The following ALG8 variants were observed in gnomAD, a reference collection of about 807,000 sequenced individuals.
The protein encoded by ALG8 is ALG8 alpha-1,3-glucosyltransferase, also known as dolichyl pyrophosphate Glc1Man9GlcNAc2 alpha-1,3-glucosyltransferase.
In ALG8, 48 loss-of-function variants were observed where a neutral mutation model predicts 70.2. That is an observed-to-expected ratio of 0.68 (90% CI 0.54 to 0.87). ALG8 has a LOEUF of 0.87. Among genes scored for constraint, ALG8 ranks in the 40% least tolerant of loss-of-function variants. ALG8 has a pLI of 0.00. For missense variants in ALG8, 572 were observed against 608.7 expected (o/e 0.94, Z 0.64); for synonymous variants, 234 against 229.0 (o/e 1.02, Z -0.20).
chr11:78,116,563 C>T (rs190541044), intron 5 of ALG8, among the ~76,000 whole-genome samples: 44 of 152,034 alleles, frequency 2.9e-4, no homozygotes, highest in Admixed American at 2.2e-3. Flanking sequence ...AGTAAAAATA[C>T]AAAAAATTAG....
chr11:78,132,804 G>A (rs925963715), intron 1 of ALG8, among the ~76,000 whole-genome samples: 14 of 149,784 alleles, frequency 9.3e-5, no homozygotes, highest in Non-Finnish European at 1.6e-4. Context: ...CTTCTTGGTC[G>A]CCTGATAGGA....
intron 5 of ALG8, among the ~76,000 whole-genome samples, chr11:78,117,245 A>T (rs1234581844): frequency 6.6e-6 from 1 of 152,162 alleles, no homozygotes; most frequent in Non-Finnish European, 1.5e-5. Context: ...ATGGTTCTCA[A>T]GCCTGATGGT....
At chr11:78,119,849 C>T (rs1259564224) in intron 4 of ALG8, among the ~76,000 whole-genome samples, 1 of 152,148 alleles carries the variant, frequency 6.6e-6, no homozygotes, top group East Asian at 1.9e-4. Context: ...CACCTGTAAT[C>T]CCAGCATTTT....
intron 3 of ALG8, among the ~76,000 whole-genome samples, chr11:78,122,754 G>A (rs1176487087): frequency 2.6e-5 from 4 of 152,092 alleles, no homozygotes; most frequent in African/African-American, 9.7e-5. Context: ...CAAACATTTT[G>A]AGTTAAAAAG....
chr11:78,120,883 T>C (rs1415750252), intron 4 of ALG8, among the ~76,000 whole-genome samples, 182 bp downstream of exon 4: 2 of 152,186 alleles, frequency 1.3e-5, no homozygotes, highest in Admixed American at 6.6e-5. Flanking sequence ...AGAAATGAAA[T>C]ACTCTAACCT....
intron 1 of ALG8, among the ~76,000 whole-genome samples, chr11:78,129,438 T>C (rs1270288314): frequency 1.4e-5 from 2 of 146,096 alleles, no homozygotes; most frequent in African/African-American, 2.5e-5. Context: ...AAAAAAAATG[T>C]GCAAAGTAAA....
intron 8 of ALG8, among the ~76,000 whole-genome samples, chr11:78,111,290 G>A (rs1014047879): frequency 6.6e-6 from 1 of 152,192 alleles, no homozygotes; most frequent in Non-Finnish European, 1.5e-5. Flanking sequence ...ACTCAGGTTT[G>A]TCTGGCTCCA....
At chr11:78,111,049 T>C (rs940662719) in intron 8 of ALG8, among the ~76,000 whole-genome samples, 3 of 152,202 alleles carry the variant, frequency 2.0e-5, no homozygotes, top group Admixed American at 6.5e-5. Flanking sequence ...AAGAATGCCA[T>C]GTACATCAAG....
At chr11:78,123,886 A>C in intron 3 of ALG8, 135 bp downstream of exon 3, 1 of 1,008,096 alleles carries the variant, frequency 9.9e-7, no homozygotes, top group Non-Finnish European at 1.5e-6. Context: ...TTAAAGCACA[A>C]TACAATTTTT....
intron 4 of ALG8, among the ~76,000 whole-genome samples, chr11:78,120,033 C>T (rs924542846): frequency 1.3e-5 from 2 of 151,800 alleles, no homozygotes; most frequent in Non-Finnish European, 2.9e-5. Flanking sequence ...ACCCAGGAGG[C>T]GGACACTGCA....
chr11:78,122,230 C>G (rs888180942), intron 3 of ALG8, among the ~76,000 whole-genome samples: 1 of 152,080 alleles, frequency 6.6e-6, no homozygotes, highest in African/African-American at 2.4e-5. Flanking sequence ...CCCTATGGAG[C>G]CTCAGTTCCC....
chr11:78,118,390 CG>C (rs1269384107), intron 5 of ALG8, among the ~76,000 whole-genome samples: 6 of 149,876 alleles, frequency 4.0e-5, no homozygotes, highest in Admixed American at 2.7e-4. Context: ...CTGAGGCGGG[CG>C]GAACACTTGA....
In ALG8 at chr11:78,109,447, T is replaced by C. The variant is rs1181113179; in HGVS notation, c.1033A>G (p.Ile345Val). The change falls in exon 9 of 13, where the codon ATA becomes GTA. Residue 345 changes from isoleucine to valine, a missense_variant. Coordinates refer to ENST00000299626, the MANE Select transcript of ALG8 (RefSeq NM_024079.5). ...ACCATCTGTTGAGTTCTTACCAATA[T>C]GGCAATCAGTGTGCAGATGAGGGTT... Reference protein sequence around the residue: ...LATLICTLIAILPSIFCLWFK... With the variant: ...LATLICTLIAVLPSIFCLWFK... The C allele has an allele frequency of 1.9e-6, 3 of 1,614,150 alleles. No individual in the cohort carries two copies. Among genetic ancestry groups the C allele is most frequent in the Admixed American group, 3.3e-5 (2 of 60,018 alleles).
Position 78,121,180 on chromosome 11 carries a change from T to G in ALG8, c.369-6A>C, listed in dbSNP as rs201483866. 6.3e-6 allele frequency: 10 copies of G among 1,597,580 alleles called. No individual in the cohort carries two copies. The African/African-American group carries it at 1.3e-4, about 21-fold the overall frequency. On this transcript the variant is annotated splice_region_variant and splice_polypyrimidine_tract_variant and intron_variant, in intron 3 of 12. Transcript: ENST00000299626. ...CATCAATGCATTTACAGCACCTACA[T>G]TGAAACATTAGGAAAGAAACAGAAA...
chr11:78,112,819 A>C, intron 7 of ALG8, 49 bp from the exon 8 acceptor site: 1 of 1,600,960 alleles, frequency 6.2e-7, no homozygotes, highest in African/African-American at 1.3e-5. Flanking sequence ...AATCTTTTTC[A>C]AATTCAAAAA....
chr11:78,112,291 G>C (rs945701093), intron 8 of ALG8: 2 of 322,954 alleles, frequency 6.2e-6, no homozygotes, highest in African/African-American at 2.2e-5. Context: ...AAATAAGTAG[G>C]GGTTTGAATA....
intron 7 of ALG8, 81 bp downstream of exon 7, chr11:78,113,805 A>G: frequency 8.6e-7 from 1 of 1,159,594 alleles, no homozygotes; most frequent in South Asian, 1.5e-5. Flanking sequence ...TACTTATTTT[A>G]CATATTCCTG....
chr11:78,117,120 C>A (rs1860609587), intron 5 of ALG8, among the ~76,000 whole-genome samples: 1 of 152,160 alleles, frequency 6.6e-6, no homozygotes, highest in Non-Finnish European at 1.5e-5. Flanking sequence ...CAAATTTGAT[C>A]TTTCCAATGT....
At chr11:78,109,351 T>C in intron 9 of ALG8, 91 bp downstream of exon 9, 1 of 1,540,630 alleles carries the variant, frequency 6.5e-7, no homozygotes, top group Non-Finnish European at 9.0e-7. Context: ...TATCCTACAG[T>C]TGGAAGAGCT....
Sources: allele counts gnomAD v4.1 joint callset (sites outside exome capture counted in the v4.1 genomes callset), GRCh38; gene constraint gnomAD v4.1.1; transcripts MANE v1.5; gene names NCBI Gene and HGNC (gene_info 2026-07-23, HGNC 2026-07-21).